TAFA5: variants seen among roughly 807,000 people sequenced by gnomAD.
The protein encoded by TAFA5 is chemokine-like protein TAFA-5.
Under a neutral mutation model 15.3 loss-of-function variants are expected in TAFA5, and 6 were observed. That is an observed-to-expected ratio of 0.39 (90% confidence interval 0.21 to 0.77). TAFA5 has a LOEUF of 0.77. TAFA5 is among the 30% of genes least tolerant of loss of function. The pLI is 0.41. For missense variants in TAFA5, 161 were observed against 193.1 expected (o/e 0.83, Z 0.98); for synonymous variants, 103 against 80.7 (o/e 1.28, Z -1.48).
intron 1 of TAFA5, among the ~76,000 whole-genome samples, chr22:48,595,423 T>TA (rs1464570533): frequency 6.6e-6 from 1 of 152,212 alleles, no homozygotes; most frequent in Non-Finnish European, 1.5e-5. Context: ...GGGCTGGCGT[T>TA]ATCCTGTGGA....
intron 1 of TAFA5, among the ~76,000 whole-genome samples, chr22:48,629,813 G>T (rs564430685): frequency 2.2e-4 from 33 of 152,352 alleles, no homozygotes; most frequent in African/African-American, 7.9e-4. Flanking sequence ...CATCGCCTCT[G>T]CAGGAAACCC....
rs150887925 is a variant in TAFA5, at chr22:48,585,604, A to G, written c.113-60993A>G. ...ACACAATACACCACACAGATACCAC[A>G]CACAACAAAATACACCACACACACT... On this transcript the variant is annotated intron_variant, in intron 1 of 3. Transcript: ENST00000402357. Among the ~76,000 whole-genome samples the G allele has an allele frequency of 8.6e-3, 1,302 of 151,392 alleles. 26 individuals are homozygous for G. Among genetic ancestry groups the G allele is most frequent in the African/African-American group, 0.031 (1,258 of 41,184 alleles).
At chr22:48,574,305 G>A (rs1267333949) in intron 1 of TAFA5, among the ~76,000 whole-genome samples, 2 of 152,132 alleles carry the variant, frequency 1.3e-5, no homozygotes, top group Non-Finnish European at 2.9e-5. Context: ...GGTGGAGGGT[G>A]ATGAGCCAGA....
chr22:48,582,450 TACCACACACAAAATAC>T (rs1371752715), intron 1 of TAFA5, among the ~76,000 whole-genome samples: 41 of 48,508 alleles, frequency 8.5e-4, no homozygotes, highest in African/African-American at 2.5e-3. Flanking sequence ...ATACACCACA[TACCACACACAAAATAC>T]ACCACACACA....
At chr22:48,679,206 G>A (rs1245264057) in intron 2 of TAFA5, among the ~76,000 whole-genome samples, 4 of 97,968 alleles carry the variant, frequency 4.1e-5, no homozygotes, top group Admixed American at 9.2e-5. Context: ...TCCCTCTCCC[G>A]GCTCCCCGTC....
chr22:48,501,133 G>A (rs1920949278), intron 1 of TAFA5, among the ~76,000 whole-genome samples: 1 of 152,174 alleles, frequency 6.6e-6, no homozygotes, highest in South Asian at 2.1e-4. Context: ...GGCTGTGAGT[G>A]GCTTTGCCTC....
At chr22:48,687,091 A>G (rs993187078) in intron 2 of TAFA5, among the ~76,000 whole-genome samples, 2 of 149,756 alleles carry the variant, frequency 1.3e-5, no homozygotes. Flanking sequence ...GGATGGATGG[A>G]TAGATGGTGA....
intron 1 of TAFA5, among the ~76,000 whole-genome samples, chr22:48,594,894 T>C (rs1924707460): frequency 7.1e-6 from 1 of 140,794 alleles, no homozygotes; most frequent in East Asian, 2.1e-4. Flanking sequence ...TTTTTTTTTT[T>C]GGTGCTCAGA....
At chr22:48,605,273 A>G (rs796643043) in intron 1 of TAFA5, among the ~76,000 whole-genome samples, 3 of 25,766 alleles carry the variant, frequency 1.2e-4, no homozygotes, top group African/African-American at 3.0e-4. Flanking sequence ...GGTGAGGATG[A>G]TGGTGATGAT....
At chr22:48,719,265 C>T (rs774434441) in intron 3 of TAFA5, among the ~76,000 whole-genome samples, 54 of 152,168 alleles carry the variant, frequency 3.5e-4, no homozygotes, top group Non-Finnish European at 6.3e-4. Flanking sequence ...TGAAGAGAAC[C>T]GCCCCTCGGG....
chr22:48,745,267 G>A (rs371153526), intron 3 of TAFA5, among the ~76,000 whole-genome samples: 1,556 of 147,870 alleles, frequency 0.011, 24 homozygotes, highest in African/African-American at 0.037. Flanking sequence ...TGGCCTGTCC[G>A]GGGTTCACCC....
intron 3 of TAFA5, among the ~76,000 whole-genome samples, chr22:48,729,328 TTTATTTGTAAATATATATTTTTA>T (rs57208658): frequency 1.5e-4 from 16 of 103,748 alleles, no homozygotes; most frequent in East Asian, 6.6e-4. Flanking sequence ...TATTTTTATA[TTTATTTGTAAATATATATTTTTA>T]TATTAGTATA....
intron 1 of TAFA5, among the ~76,000 whole-genome samples, chr22:48,519,857 G>T (rs541467265): frequency 5.9e-5 from 9 of 152,222 alleles, no homozygotes; most frequent in Admixed American, 3.3e-4. Flanking sequence ...TGGAAACAGG[G>T]TAATGGCAGG....
intron 1 of TAFA5, among the ~76,000 whole-genome samples, chr22:48,599,998 C>A (rs28407662): frequency 0.45 from 68,454 of 151,968 alleles, 15,932 homozygotes; most frequent in Non-Finnish European, 0.51. Flanking sequence ...CAGCTCTCCC[C>A]CCGTCTGTCT....
chr22:48,746,525 G>T (rs572846900), intron 3 of TAFA5, among the ~76,000 whole-genome samples: 1 of 152,188 alleles, frequency 6.6e-6, no homozygotes, highest in Non-Finnish European at 1.5e-5. Context: ...TGCTCACGTG[G>T]TGCTGGCTCT....
intron 1 of TAFA5, among the ~76,000 whole-genome samples, chr22:48,542,121 GGTGT>G (rs1032661581): frequency 2.3e-5 from 2 of 87,526 alleles, no homozygotes; most frequent in African/African-American, 7.0e-5. Flanking sequence ...GTGTGTGTGT[GGTGT>G]GTGTGATGTG....
At chr22:48,657,415 C>T (rs926432727) in intron 2 of TAFA5, among the ~76,000 whole-genome samples, 3 of 152,162 alleles carry the variant, frequency 2.0e-5, no homozygotes, top group South Asian at 2.1e-4. Context: ...AAGCCCAGGA[C>T]CAGATGGCTT....
At chr22:48,616,551 T>C (rs1189480468) in intron 1 of TAFA5, among the ~76,000 whole-genome samples, 1 of 152,150 alleles carries the variant, frequency 6.6e-6, no homozygotes, top group African/African-American at 2.4e-5. Flanking sequence ...CCCAGAGGTC[T>C]TCCTCCTGCC....
intron 1 of TAFA5, among the ~76,000 whole-genome samples, chr22:48,549,237 G>A (rs1346348087): frequency 6.6e-6 from 1 of 152,258 alleles, no homozygotes; most frequent in Non-Finnish European, 1.5e-5. Context: ...GTAGTCTGCA[G>A]TGTGTAGACA....
Sources: allele counts gnomAD v4.1 joint callset (sites outside exome capture counted in the v4.1 genomes callset), GRCh38; gene constraint gnomAD v4.1.1; transcripts MANE v1.5; gene names NCBI Gene and HGNC (gene_info 2026-07-23, HGNC 2026-07-21).